PPP4R4: variants seen among roughly 807,000 people sequenced by gnomAD.
PPP4R4 encodes protein phosphatase 4 regulatory subunit 4, also known as serine/threonine-protein phosphatase 4 regulatory subunit 4.
PPP4R4 carries 70 observed loss-of-function variants against 121.8 expected under a neutral mutation model. The ratio of observed to expected loss-of-function variants is 0.57; its 90% CI spans 0.47 to 0.70. The LOEUF is 0.70. Ranked by LOEUF, PPP4R4 falls within the 30% of genes least tolerant of loss-of-function variation. PPP4R4 has a pLI of 0.00. For synonymous variants in PPP4R4, 348 were observed against 355.7 expected (o/e 0.98, Z 0.24); for missense variants, 875 against 1,033.6 (o/e 0.85, Z 2.10).
chr14:94,188,186 T>G (rs1889391707), intron 2 of PPP4R4, among the ~76,000 whole-genome samples: 1 of 152,186 alleles, frequency 6.6e-6, no homozygotes, highest in Non-Finnish European at 1.5e-5. Flanking sequence ...CTGTATCTAT[T>G]GATATGGTAT....
At chr14:94,278,016 G>A (rs1894734328) in intron 24 of PPP4R4, among the ~76,000 whole-genome samples, 1 of 152,138 alleles carries the variant, frequency 6.6e-6, no homozygotes, top group East Asian at 1.9e-4. Context: ...GGCTGGATGG[G>A]TGATGATATC....
intron 24 of PPP4R4, among the ~76,000 whole-genome samples, chr14:94,277,082 T>G (rs1213336285): frequency 6.6e-6 from 1 of 152,202 alleles, no homozygotes; most frequent in Non-Finnish European, 1.5e-5. Context: ...GTGGATCATC[T>G]GAGGTCAGGA....
intron 2 of PPP4R4, among the ~76,000 whole-genome samples, chr14:94,207,934 A>G (rs1352363070): frequency 6.6e-6 from 1 of 151,912 alleles, no homozygotes; most frequent in Non-Finnish European, 1.5e-5. Context: ...CTGATCTTTA[A>G]GAGTATTGAG....
intron 2 of PPP4R4, among the ~76,000 whole-genome samples, chr14:94,198,114 A>G (rs563283643): frequency 1.1e-4 from 16 of 152,272 alleles, no homozygotes; most frequent in Admixed American, 2.0e-4. Flanking sequence ...GAAATTGTCA[A>G]ACTTTTCCAA....
chr14:94,176,236 T>C, intron 2 of PPP4R4, 109 bp downstream of exon 2: 1 of 902,914 alleles, frequency 1.1e-6, no homozygotes, highest in Non-Finnish European at 1.8e-6. Context: ...CTTAGCCACT[T>C]GAACAGAGTA....
chr14:94,258,983 A>G (rs540984752), intron 18 of PPP4R4, among the ~76,000 whole-genome samples, 159 bp downstream of exon 18: 1 of 152,314 alleles, frequency 6.6e-6, no homozygotes, highest in African/African-American at 2.4e-5. Context: ...GGCAAGGAGG[A>G]GCAAGTCACA....
chr14:94,267,660 A>G (rs773861198), intron 23 of PPP4R4, among the ~76,000 whole-genome samples: 4 of 152,190 alleles, frequency 2.6e-5, no homozygotes, highest in Non-Finnish European at 5.9e-5. Context: ...AATAATGTAG[A>G]CTATATTGTT....
intron 4 of PPP4R4, 137 bp downstream of exon 4, chr14:94,230,871 A>T (rs1260041270): frequency 4.0e-6 from 4 of 987,788 alleles, no homozygotes; most frequent in Non-Finnish European, 5.7e-6. Context: ...CAGTGGAATG[A>T]CTTAAAATAG....
chr14:94,191,575 T>C (rs1304519538), intron 2 of PPP4R4, among the ~76,000 whole-genome samples: 1 of 152,152 alleles, frequency 6.6e-6, no homozygotes, highest in Non-Finnish European at 1.5e-5. Flanking sequence ...CTTACACTGG[T>C]ACAGAACAGC....
chr14:94,176,440 A>G (rs946564275), intron 2 of PPP4R4, among the ~76,000 whole-genome samples: 2 of 152,298 alleles, frequency 1.3e-5, no homozygotes, highest in African/African-American at 4.8e-5. Flanking sequence ...GTAAGTTTAC[A>G]TGAGACTTGA....
chr14:94,252,653 A>G (rs1333692969), intron 16 of PPP4R4, among the ~76,000 whole-genome samples: 21 of 152,192 alleles, frequency 1.4e-4, no homozygotes, highest in Admixed American at 1.0e-3. Context: ...ACCCTCAGCC[A>G]TTAGATTTCT....
chr14:94,192,182 A>G (rs546103046), intron 2 of PPP4R4, among the ~76,000 whole-genome samples: 1 of 152,152 alleles, frequency 6.6e-6, no homozygotes, highest in Non-Finnish European at 1.5e-5. Flanking sequence ...GACTATAATC[A>G]GGTTTGAATG....
In PPP4R4 at chr14:94,251,856, C is replaced by T; in HGVS notation, c.1825C>T (p.Pro609Ser). ...ATTTTTCTGTAAATATTTCTTTCTA[C>T]CTGCTATTGAACTGACACATGATCC... Reference protein sequence around the residue: ...KSFFCKYFFLPAIELTHDPVA... With the variant: ...KSFFCKYFFLSAIELTHDPVA... Residue 609 changes from proline (P) to serine (S), a missense_variant, in exon 16 of 25, where the codon CCT becomes TCT. Pro to Ser is a moderately conservative substitution (Grantham distance 74). Transcript: ENST00000304338. 1 of 1,595,560 alleles carries T rather than the reference C, an allele frequency of 6.3e-7. No homozygotes were observed. The highest frequency in any genetic ancestry group is 8.6e-7 in the Non-Finnish European group (1 of 1,168,412).
At position 94,273,772 on chromosome 14, in the gene PPP4R4, A is replaced by G. The variant is rs141102062; in HGVS notation, c.2450-1602A>G. ...TAAACTTAAAACTGTTCTAAAAAAT[A>G]GAGTCTACTTAAAAAGTAGTGCTGG... is the stretch of plus-strand genomic sequence containing the variant. On this transcript the variant is annotated intron_variant, in intron 23 of 24. Transcript: ENST00000304338. Among the ~76,000 whole-genome samples the G allele has an allele frequency of 2.0e-3, 298 of 152,296 alleles. 1 individual carries two copies. Among genetic ancestry groups the G allele is most frequent in the African/African-American group, 6.7e-3 (279 of 41,572 alleles).
At position 94,239,936 on chromosome 14, in the gene PPP4R4, A is replaced by G. The variant is rs535397314; in HGVS notation, c.854-737A>G. On this transcript the variant is annotated intron_variant, in intron 8 of 24. Transcript: ENST00000304338. ...GTTGAATGAATGTCATTTAACAAAA[A>G]TAGTAGATATGGCACCGAAATGTAA... Among the ~76,000 whole-genome samples, 8 of 152,342 alleles carry G rather than the reference A, an allele frequency of 5.3e-5. No homozygotes were observed. In the South Asian group the frequency reaches 1.7e-3, roughly 32 times the overall value.
At chr14:94,230,036 A>G (rs1213561691) in intron 3 of PPP4R4, among the ~76,000 whole-genome samples, 2 of 152,212 alleles carry the variant, frequency 1.3e-5, no homozygotes, top group Non-Finnish European at 2.9e-5. Flanking sequence ...TTTTAAAAGC[A>G]TATTCTTAAG....
At chr14:94,229,830 A>G (rs1460037292) in intron 3 of PPP4R4, among the ~76,000 whole-genome samples, 2 of 152,174 alleles carry the variant, frequency 1.3e-5, no homozygotes, top group Non-Finnish European at 2.9e-5. Flanking sequence ...CATTACACAC[A>G]CAAACACACA....
intron 3 of PPP4R4, among the ~76,000 whole-genome samples, chr14:94,226,172 C>T (rs992510219): frequency 2.0e-5 from 3 of 152,150 alleles, no homozygotes; most frequent in Non-Finnish European, 4.4e-5. Context: ...AGCTGGAAGG[C>T]TCAGTTGCAA....
At chr14:94,219,983 G>A (rs888972903) in intron 3 of PPP4R4, among the ~76,000 whole-genome samples, 4 of 152,104 alleles carry the variant, frequency 2.6e-5, no homozygotes, top group Non-Finnish European at 5.9e-5. Context: ...TAGCACTTTC[G>A]GAGGCCGAGG....
Sources: gnomAD v4.1 joint callset for allele counts (sites outside exome capture counted in the v4.1 genomes callset) on GRCh38, gnomAD v4.1.1 for gene constraint, MANE v1.5 for transcripts, NCBI Gene and HGNC (gene_info 2026-07-23, HGNC 2026-07-21) for gene names.